TMC5: variants seen among roughly 807,000 people sequenced by gnomAD.
The protein encoded by TMC5 is transmembrane channel-like protein 5.
Under a neutral mutation model 110.5 loss-of-function variants are expected in TMC5, and 86 were observed. The observed-to-expected ratio is 0.78, with a 90% CI of 0.65 to 0.93. The LOEUF (loss-of-function observed/expected upper bound fraction) is 0.93, where lower values mean the gene tolerates loss of function less well. TMC5 is among the 40% of genes least tolerant of loss of function. The probability of loss-of-function intolerance (pLI) is 0.00; values close to 1 mark genes in which losing one functional copy is unlikely to be tolerated. For missense variants in TMC5, 1,144 were observed against 1,222.8 expected (o/e 0.94, Z 0.96); for synonymous variants, 455 against 439.5 (o/e 1.04, Z -0.44).
chr16:19,465,300 G>A lies in TMC5; in HGVS notation c.1486-782G>A, dbSNP rs574254521. 6.8e-4 allele frequency among the ~76,000 whole-genome samples: 103 copies of A among 152,100 alleles called. 1 individual carries two copies. Among genetic ancestry groups the A allele is most frequent in the African/African-American group, 2.3e-3 (97 of 41,520 alleles). On this transcript the variant is annotated intron_variant, in intron 8 of 21. Coordinates refer to ENST00000542583, the MANE Select transcript of TMC5 (RefSeq NM_001261841.2). ...TGTAATCCCAGCACTTTGGGAGGCC[G>A]AGGCGGGTGGATCACTTGAAGTCAG...
At chr16:19,423,919 T>C (rs1215950425) in intron 1 of TMC5, among the ~76,000 whole-genome samples, 1 of 152,114 alleles carries the variant, frequency 6.6e-6, no homozygotes, top group Non-Finnish European at 1.5e-5. Flanking sequence ...ACCTGGTTAA[T>C]TGTTTTTTAT....
chr16:19,472,132 C>T lies in TMC5; in HGVS notation c.1827C>T (p.Phe609=), dbSNP rs567491448. Residue 609 remains phenylalanine, a synonymous_variant, in exon 11 of 22, where the codon TTC becomes TTT. Coordinates refer to ENST00000542583, the MANE Select transcript of TMC5 (RefSeq NM_001261841.2). ...ELRQENSKLT[F]NQLLTRFSAY... ...GTCAGGAGAATTCCAAGTTGACGTT[C>T]AATCAGCTGCTGACCCGCTTCTCTG... is the stretch of plus-strand genomic sequence containing the variant. 143 of 1,614,182 alleles carry T rather than the reference C, an allele frequency of 8.9e-5. 1 individual carries two copies. In the South Asian group the frequency reaches 1.5e-3, roughly 17 times the overall value.
chr16:19,438,924 C>T (rs1162735824), intron 2 of TMC5, among the ~76,000 whole-genome samples: 28 of 152,178 alleles, frequency 1.8e-4, no homozygotes, highest in Admixed American at 1.8e-3. Context: ...GGTGCTGCCA[C>T]ATGCTGGGTC....
In TMC5 at chr16:19,423,205, A is replaced by G. The variant is rs542000278; in HGVS notation, c.-308+5113A>G. Among the ~76,000 whole-genome samples, 3 of 152,292 alleles carry G rather than the reference A, an allele frequency of 2.0e-5. No homozygotes were observed. The South Asian group carries it at 6.2e-4, about 32-fold the overall frequency. ...TAAATCAAGATATCTCAACTTTTGTATGACTGACACATTGGACCAGATCAT... is the reference window on the plus strand; with the variant it reads ...TAAATCAAGATATCTCAACTTTTGTGTGACTGACACATTGGACCAGATCAT... On this transcript the variant is annotated intron_variant, in intron 1 of 21. Coordinates refer to ENST00000542583, the MANE Select transcript of TMC5 (RefSeq NM_001261841.2).
intron 7 of TMC5, 74 bp downstream of exon 7, chr16:19,463,441 G>C (rs11643868): frequency 3.1e-4 from 387 of 1,250,712 alleles, no homozygotes; most frequent in Non-Finnish European, 3.6e-4. Context: ...AGGGGACTCA[G>C]GGGGAAGATG....
intron 12 of TMC5, among the ~76,000 whole-genome samples, chr16:19,476,627 CATT>C (rs1968496942): frequency 6.6e-6 from 1 of 152,116 alleles, no homozygotes. Flanking sequence ...ACCCAATAAA[CATT>C]ATGTACATTT....
At chr16:19,464,244 G>A (rs558212348) in intron 8 of TMC5, among the ~76,000 whole-genome samples, 2 of 152,260 alleles carry the variant, frequency 1.3e-5, no homozygotes. Flanking sequence ...GGGCAACATG[G>A]CAAAACCCCG....
At chr16:19,455,222 C>T (rs570248114) in intron 5 of TMC5, among the ~76,000 whole-genome samples, 4 of 151,300 alleles carry the variant, frequency 2.6e-5, no homozygotes, top group East Asian at 3.9e-4. Context: ...CTGAGGCAGG[C>T]GAATCACTTG....
chr16:19,466,359 C>G, intron 9 of TMC5, 126 bp downstream of exon 9: 1 of 1,023,606 alleles, frequency 9.8e-7, no homozygotes, highest in Non-Finnish European at 1.4e-6. Flanking sequence ...CCTCTCTTTT[C>G]TTTTCTTTCT....
chr16:19,464,049 C>T (rs778266896), intron 8 of TMC5, 25 bp downstream of exon 8: 3 of 1,607,588 alleles, frequency 1.9e-6, no homozygotes, highest in Non-Finnish European at 2.6e-6. Context: ...TCCCCTACCC[C>T]AAGTGCACCA....
Position 19,440,536 on chromosome 16 carries a change from T to A in TMC5, c.498T>A (p.Ala166=), listed in dbSNP as rs1252903502. 1 of 1,614,040 alleles carries A rather than the reference T, an allele frequency of 6.2e-7. No homozygotes were observed. The highest frequency in any genetic ancestry group is 8.5e-7 in the Non-Finnish European group (1 of 1,180,038). The stretch of plus-strand genomic sequence containing the variant: ...CCTTAGAACCGGACTACCCTGGAGC[T>A]CAGAGCAACTCTGATCATCCTGGAC... ...FGSLEPDYPG[A]QSNSDHPGPR... is the part of the protein sequence containing the mutation. Residue 166 remains alanine (A), a synonymous_variant, in exon 3 of 22, where the codon GCT becomes GCA. Coordinates refer to ENST00000542583, the MANE Select transcript of TMC5 (RefSeq NM_001261841.2).
intron 12 of TMC5, 149 bp downstream of exon 12, chr16:19,474,425 T>A: frequency 1.1e-6 from 1 of 886,062 alleles, no homozygotes; most frequent in Non-Finnish European, 1.7e-6. Context: ...TGGTGGCTCA[T>A]GTCAGTAATC....
chr16:19,493,418 AG>A (rs1372911091), intron 19 of TMC5, among the ~76,000 whole-genome samples: 6 of 150,504 alleles, frequency 4.0e-5, no homozygotes, highest in Non-Finnish European at 7.4e-5. Context: ...GGATCTGAAA[AG>A]GGGGTACATG....
Position 19,494,340 on chromosome 16 carries a change from C to T in TMC5, c.2905C>T (p.Leu969Phe), listed in dbSNP as rs1968993729. Residue 969 changes from leucine to phenylalanine, a missense_variant, in exon 20 of 22, where the codon CTT (leucine) becomes TTT (phenylalanine). Transcript: ENST00000542583. ...DMEKKANPSS[L>F]VLERREVEQQ... ...GGAGAAGAAAGCAAACCCCAGCTCA[C>T]TTGTTCTGGAAAGGAGAGAGGTGGA... 2 of 1,613,656 alleles carry T rather than the reference C, an allele frequency of 1.2e-6. No individual in the cohort carries two copies. The highest frequency in any genetic ancestry group is 2.7e-5 in the African/African-American group (2 of 74,872).
At chr16:19,457,263 G>A (rs1311795510) in intron 5 of TMC5, among the ~76,000 whole-genome samples, 1 of 152,094 alleles carries the variant, frequency 6.6e-6, no homozygotes, top group Non-Finnish European at 1.5e-5. Flanking sequence ...GCATGATGGT[G>A]CACACCTGTG....
At chr16:19,422,742 T>G (rs1967012328) in intron 1 of TMC5, among the ~76,000 whole-genome samples, 1 of 152,042 alleles carries the variant, frequency 6.6e-6, no homozygotes, top group Admixed American at 6.6e-5. Context: ...GGGTGGATCA[T>G]GAGGTCAGGC....
chr16:19,466,975 T>A (rs1342753638), intron 9 of TMC5, among the ~76,000 whole-genome samples: 1 of 151,876 alleles, frequency 6.6e-6, no homozygotes, highest in Non-Finnish European at 1.5e-5. Flanking sequence ...CAAAACCCCA[T>A]CTCTACTAAA....
intron 17 of TMC5, among the ~76,000 whole-genome samples, chr16:19,489,426 C>G (rs550790125): frequency 6.6e-6 from 1 of 152,236 alleles, no homozygotes; most frequent in Non-Finnish European, 1.5e-5. Flanking sequence ...GCTCCGCCTC[C>G]CAGGTTCACG....
intron 12 of TMC5, 87 bp downstream of exon 12, chr16:19,474,363 A>G (rs1968434301): frequency 6.8e-7 from 1 of 1,460,394 alleles, no homozygotes; most frequent in Admixed American, 2.1e-5. Context: ...CTTTAGTATC[A>G]AAGTTTTTTC....
Sources: allele counts gnomAD v4.1 joint callset (sites outside exome capture counted in the v4.1 genomes callset), GRCh38; gene constraint gnomAD v4.1.1; transcripts MANE v1.5; gene names NCBI Gene and HGNC (gene_info 2026-07-23, HGNC 2026-07-21).